The following PCDH11X variants were observed in gnomAD, a reference collection of about 807,000 sequenced individuals.
PCDH11X encodes protocadherin 11 X-linked.
In PCDH11X, 18 loss-of-function variants were observed where a neutral mutation model predicts 53.3. The ratio of observed to expected loss-of-function variants is 0.34; its 90% confidence interval spans 0.23 to 0.50. The LOEUF (loss-of-function observed/expected upper bound fraction) is 0.50. Ranked by LOEUF, PCDH11X falls within the 20% of genes least tolerant of loss-of-function variation. PCDH11X has a pLI of 0.98. For synonymous variants in PCDH11X, 279 were observed against 393.3 expected (o/e 0.71, Z 3.44); for missense variants, 570 against 1,032.4 (o/e 0.55, Z 6.14).
chrX:92,477,265 T>A (rs147395025), intron 10 of PCDH11X, among the ~76,000 whole-genome samples: 1,027 of 101,444 alleles, frequency 0.01, 9 homozygotes, highest in Non-Finnish European at 0.016. Context: ...ACCTTAGATG[T>A]CTAAGTGGTA....
chrX:92,525,977 C>A (rs912630266), intron 10 of PCDH11X, among the ~76,000 whole-genome samples: 4 of 111,363 alleles, frequency 3.6e-5, no homozygotes, highest in Non-Finnish European at 7.5e-5. Context: ...GAATTCAGTA[C>A]TTGGGCTCCA....
chrX:91,904,720 A>G (rs1334414816), intron 6 of PCDH11X, among the ~76,000 whole-genome samples: 2 of 110,636 alleles, frequency 1.8e-5, no homozygotes, highest in African/African-American at 3.3e-5. Flanking sequence ...ATAGCTACAT[A>G]ATATTGCATC....
rs755419034 is a variant in PCDH11X, at chrX:91,798,474, A to G, written c.-378-10992A>G. On this transcript the variant is annotated intron_variant, in intron 1 of 10. Transcript: ENST00000682573. The stretch of plus-strand genomic sequence containing the variant: ...CATGATGGCGGGCGCCTGTAATCCC[A>G]GCTACTCAGGAGGCTGAGGCAGGAG... Among the ~76,000 whole-genome samples, 3 of 110,258 alleles carry G rather than the reference A, an allele frequency of 2.7e-5. No homozygotes were observed. The South Asian group carries it at 1.2e-3, about 43-fold the overall frequency.
intron 5 of PCDH11X, among the ~76,000 whole-genome samples, chrX:91,850,391 T>A (rs1937939457): frequency 1.8e-5 from 2 of 111,396 alleles, no homozygotes; most frequent in South Asian, 3.8e-4. Flanking sequence ...TTCTTACAAT[T>A]AGATGCTGTG....
chrX:91,901,797 T>C (rs1940964635), intron 6 of PCDH11X, among the ~76,000 whole-genome samples: 1 of 111,836 alleles, frequency 8.9e-6, no homozygotes, highest in African/African-American at 3.2e-5. Context: ...GGTTTCAGAA[T>C]ACATACTACT....
intron 8 of PCDH11X, among the ~76,000 whole-genome samples, chrX:92,268,941 C>G (rs2067892677): frequency 1.8e-5 from 2 of 112,179 alleles, no homozygotes; most frequent in Non-Finnish European, 3.8e-5. Context: ...AGGTGAATAT[C>G]AGTTTTGTTT....
chrX:92,617,858 G>A (rs1928150699), intron 10 of PCDH11X, among the ~76,000 whole-genome samples: 1 of 110,404 alleles, frequency 9.1e-6, no homozygotes, highest in Admixed American at 9.6e-5. Flanking sequence ...CTATTTTTTA[G>A]CTATAATTAG....
intron 1 of PCDH11X, among the ~76,000 whole-genome samples, chrX:91,794,794 C>A (rs2147527385): frequency 9.3e-6 from 1 of 107,798 alleles, no homozygotes; most frequent in African/African-American, 3.4e-5. Context: ...TGTGTCCCCA[C>A]CCAAATCTCA....
intron 10 of PCDH11X, among the ~76,000 whole-genome samples, chrX:92,528,956 C>A (rs1329041628): frequency 7.2e-5 from 8 of 110,436 alleles, no homozygotes; most frequent in Non-Finnish European, 1.1e-4. Context: ...GGATATGATG[C>A]ATGAGATAAT....
At chrX:92,604,039 G>A (rs1926522869) in intron 10 of PCDH11X, among the ~76,000 whole-genome samples, 1 of 106,496 alleles carries the variant, frequency 9.4e-6, no homozygotes, top group Non-Finnish European at 1.9e-5. Context: ...ATAACATATA[G>A]AAATTCATAT....
intron 6 of PCDH11X, among the ~76,000 whole-genome samples, chrX:92,155,690 C>A (rs34914227): frequency 2.6e-4 from 27 of 104,058 alleles, no homozygotes; most frequent in Admixed American, 4.1e-4. Context: ...GCAGTGGCGC[C>A]ATCTCGGCTC....
chrX:92,013,670 G>C (rs752552857), intron 6 of PCDH11X, among the ~76,000 whole-genome samples: 1 of 111,330 alleles, frequency 9.0e-6, no homozygotes, highest in Admixed American at 9.6e-5. Flanking sequence ...GCATGGTATT[G>C]GTACCAAAAC....
chrX:92,266,957 C>G (rs2067846028), intron 8 of PCDH11X, among the ~76,000 whole-genome samples: 1 of 110,451 alleles, frequency 9.1e-6, no homozygotes, highest in African/African-American at 3.3e-5. Flanking sequence ...GTTGGCCAGG[C>G]TGGTCTCGAA....
rs1234082048 is a variant in PCDH11X at position 91,819,785 on chromosome X, A to G, written c.-45+8490A>G. Among the ~76,000 whole-genome samples, 8 of 99,360 alleles carry G rather than the reference A, an allele frequency of 8.1e-5. No homozygotes were observed. In the South Asian group the frequency reaches 4.0e-3, roughly 50 times the overall value. The allele number at this position is 99,360 out of a possible 115,157, so 86.3% of individuals were successfully genotyped here. On this transcript the variant is annotated intron_variant, in intron 4 of 10. Coordinates refer to ENST00000682573, the MANE Select transcript of PCDH11X (RefSeq NM_032968.5). ...TGCTGCACCCACTAACTCGTCATCT[A>G]GCATTAGGTATATCTCCCAATGCTA...
chrX:92,326,639 T>TATATATATATATATATATATATAG (rs758088746), intron 8 of PCDH11X, among the ~76,000 whole-genome samples: 11 of 39,309 alleles, frequency 2.8e-4, no homozygotes, highest in African/African-American at 1.0e-3. Flanking sequence ...TATATATATA[T>TATATATATATATATATATATATAG]AGAGAGAGAG....
intron 10 of PCDH11X, among the ~76,000 whole-genome samples, chrX:92,501,672 C>A (rs1202346216): frequency 9.0e-6 from 1 of 111,530 alleles, no homozygotes; most frequent in African/African-American, 3.3e-5. Context: ...ATTCAACATC[C>A]TTTTATGTTT....
At chrX:91,856,558 A>C (rs1275064634) in intron 5 of PCDH11X, among the ~76,000 whole-genome samples, 1 of 109,802 alleles carries the variant, frequency 9.1e-6, no homozygotes, top group Non-Finnish European at 1.9e-5. Context: ...CTATCAACCC[A>C]TCATGTAGGT....
At chrX:91,826,501 G>A (rs1007319396) in intron 4 of PCDH11X, among the ~76,000 whole-genome samples, 4 of 83,266 alleles carry the variant, frequency 4.8e-5, no homozygotes, top group East Asian at 3.8e-4. Flanking sequence ...ATGCATGTGC[G>A]GGTTTGTTAT....
At chrX:91,880,246 G>A (rs1939829127) in intron 6 of PCDH11X, among the ~76,000 whole-genome samples, 1 of 111,166 alleles carries the variant, frequency 9.0e-6, no homozygotes, top group Non-Finnish European at 1.9e-5. Flanking sequence ...ACAAGCAATG[G>A]AATTTACCCA....
Sources: gnomAD v4.1 joint callset for allele counts (sites outside exome capture counted in the v4.1 genomes callset) on GRCh38, gnomAD v4.1.1 for gene constraint, MANE v1.5 for transcripts, NCBI Gene and HGNC (gene_info 2026-07-23, HGNC 2026-07-21) for gene names.